CELF5: variants seen among roughly 807,000 people sequenced by gnomAD.
CELF5 encodes CUGBP Elav-like family member 5.
CELF5 carries 6 observed loss-of-function variants against 54.9 expected under a neutral mutation model. The observed-to-expected ratio is 0.11, with a 90% confidence interval of 0.06 to 0.22. The LOEUF is 0.22. Ranked by LOEUF, CELF5 falls within the 10% of genes least tolerant of loss-of-function variation. The pLI, the probability that CELF5 is intolerant of heterozygous loss-of-function variation, is 1.00. For synonymous variants in CELF5, 271 were observed against 290.9 expected (o/e 0.93, Z 0.70); for missense variants, 401 against 678.6 (o/e 0.59, Z 4.54).
At chr19:3,225,480 C>CCCAAA in intron 1 of CELF5, 3 of 670,794 alleles carry the variant, frequency 4.5e-6, no homozygotes, top group South Asian at 6.7e-5. Context: ...CCCCCACCCC[C>CCCAAA]ATTCATTCAG....
intron 11 of CELF5, among the ~76,000 whole-genome samples, chr19:3,290,994 C>T (rs988387529): frequency 6.6e-6 from 1 of 151,580 alleles, no homozygotes; most frequent in East Asian, 2.0e-4. Context: ...AGCTTAGTGG[C>T]GTGTGCCTGT....
chr19:3,290,995 G>A (rs1486607356), intron 11 of CELF5, among the ~76,000 whole-genome samples: 1 of 151,944 alleles, frequency 6.6e-6, no homozygotes, highest in Non-Finnish European at 1.5e-5. Flanking sequence ...GCTTAGTGGC[G>A]TGTGCCTGTA....
chr19:3,293,693 A>G, intron 12 of CELF5: 1 of 517,700 alleles, frequency 1.9e-6, no homozygotes, highest in Non-Finnish European at 3.5e-6. Flanking sequence ...AGAGGGTGGG[A>G]ATGGGGTAGG....
intron 1 of CELF5, among the ~76,000 whole-genome samples, chr19:3,225,929 G>A (rs1004894199): frequency 2.0e-5 from 3 of 152,136 alleles, no homozygotes; most frequent in Non-Finnish European, 4.4e-5. Context: ...AGGCGTGGGC[G>A]GCCTCAGGCC....
In CELF5 at chr19:3,275,791, G is replaced by C; in HGVS notation, c.395-65G>C. 1 of 1,543,690 alleles carries C rather than the reference G, an allele frequency of 6.5e-7. No individual in the cohort carries two copies. Among genetic ancestry groups the C allele is most frequent in the Non-Finnish European group, 8.8e-7 (1 of 1,138,580 alleles). Reference sequence around the variant, plus strand: ...GCCGCCTCCACTCTGCTGGAGGGAGGGAGGAATCCCGGAGGCCCTCCCGGA... The same window carrying C: ...GCCGCCTCCACTCTGCTGGAGGGAGCGAGGAATCCCGGAGGCCCTCCCGGA... On this transcript the variant is annotated intron_variant, in intron 3 of 12. Transcript: ENST00000292672. The surrounding 1 kb of genome is among the most constrained non-coding windows in gnomAD (Gnocchi z 6.7).
Position 3,278,056 on chromosome 19 carries a change from C to T in CELF5, c.549C>T (p.Ser183=), listed in dbSNP as rs766836380. The T allele has an allele frequency of 1.9e-6, 3 of 1,613,810 alleles. No homozygotes were observed. Among genetic ancestry groups the T allele is most frequent in the South Asian group, 1.1e-5 (1 of 91,070 alleles). Residue 183 remains serine (S), a synonymous_variant, in exon 5 of 13, where the codon TCC becomes TCT. Coordinates refer to ENST00000292672, the MANE Select transcript of CELF5 (RefSeq NM_021938.4). The surrounding 1 kb of genome is among the most constrained non-coding windows in gnomAD (Gnocchi z 4.5). ...GCTGTGCTTTCGTGAAGTTCTCCTCCCACACGGAGGCGCAGGCGGCCATCC... is the reference window on the plus strand; with the variant it reads ...GCTGTGCTTTCGTGAAGTTCTCCTCTCACACGGAGGCGCAGGCGGCCATCC... The part of the protein sequence containing the change: ...SKGCAFVKFS[S]HTEAQAAIHA...
chr19:3,294,090 G>T (rs1419067545), intron 12 of CELF5: 1 of 152,180 alleles, frequency 6.6e-6, no homozygotes, highest in Non-Finnish European at 1.5e-5. Flanking sequence ...ATGAGTTGAT[G>T]GAAAAGTGGG....
intron 12 of CELF5, chr19:3,294,401 G>A (rs954695091): frequency 2.5e-5 from 3 of 118,302 alleles, no homozygotes; most frequent in Non-Finnish European, 4.0e-5. Flanking sequence ...TGGATGATTC[G>A]TTTTGATTTT....
intron 1 of CELF5, among the ~76,000 whole-genome samples, chr19:3,247,336 C>T (rs1211450897): frequency 6.6e-6 from 1 of 152,062 alleles, no homozygotes; most frequent in Admixed American, 6.6e-5. Context: ...CCGTGTTAGC[C>T]AGGATGGTCT....
At chr19:3,256,229 C>T (rs1054572178) in intron 2 of CELF5, among the ~76,000 whole-genome samples, 5 of 152,198 alleles carry the variant, frequency 3.3e-5, no homozygotes, top group East Asian at 1.9e-4. Context: ...CTGCCTCTCC[C>T]GCCTGGAGAA....
intron 2 of CELF5, among the ~76,000 whole-genome samples, chr19:3,260,476 A>G (rs2079792617): frequency 6.6e-6 from 1 of 151,700 alleles, no homozygotes; most frequent in Non-Finnish European, 1.5e-5. Context: ...ATTTTTAGAC[A>G]TAGGGTCTTG....
At chr19:3,264,264 G>A (rs1242120395) in intron 2 of CELF5, among the ~76,000 whole-genome samples, 1 of 150,350 alleles carries the variant, frequency 6.7e-6, no homozygotes, top group Non-Finnish European at 1.5e-5. Context: ...AATTCTCTAT[G>A]GTTTTGCCAT....
intron 1 of CELF5, among the ~76,000 whole-genome samples, chr19:3,249,516 C>T (rs1411994759): frequency 1.3e-5 from 2 of 151,386 alleles, no homozygotes; most frequent in Non-Finnish European, 3.0e-5. Flanking sequence ...ACCCTCCGAT[C>T]CCTAATGTTG....
chr19:3,233,074 C>CA (rs890794505), intron 1 of CELF5, among the ~76,000 whole-genome samples: 63 of 148,562 alleles, frequency 4.2e-4, no homozygotes, highest in African/African-American at 7.2e-4. Flanking sequence ...AACTCCGTCT[C>CA]AAAAAAAATA....
intron 2 of CELF5, among the ~76,000 whole-genome samples, chr19:3,260,426 G>A (rs1273863207): frequency 1.3e-5 from 2 of 151,516 alleles, no homozygotes; most frequent in East Asian, 2.0e-4. Context: ...GTAAGCCACC[G>A]AAGACTGGCT....
intron 11 of CELF5, among the ~76,000 whole-genome samples, chr19:3,291,354 AGAAGATC>A (rs1226087353): frequency 6.6e-6 from 1 of 151,988 alleles, no homozygotes; most frequent in Non-Finnish European, 1.5e-5. Flanking sequence ...TCACGAGGTC[AGAAGATC>A]GAGACATCCT....
chr19:3,290,071 TC>T (rs1946094926), intron 10 of CELF5, among the ~76,000 whole-genome samples, 159 bp from the exon 11 acceptor site: 1 of 152,014 alleles, frequency 6.6e-6, no homozygotes, highest in Non-Finnish European at 1.5e-5. Context: ...CCCGTCTCCC[TC>T]CCCAGCCCGT....
chr19:3,275,194 G>A lies in CELF5; in HGVS notation c.395-662G>A, dbSNP rs549839901. 1.3e-5 allele frequency among the ~76,000 whole-genome samples: 2 copies of A among 152,300 alleles called. No homozygotes were observed. ...GAGCATGCAGTTACCCAAGGGGGCA[G>A]AGCTCACACAGGAGAGGCTGGCCCA... On this transcript the variant is annotated intron_variant, in intron 3 of 12. Coordinates refer to ENST00000292672, the MANE Select transcript of CELF5 (RefSeq NM_021938.4). This position sits in a 1 kb window ranked among gnomAD's most constrained non-coding sequence, Gnocchi z 6.7.
At chr19:3,244,847 G>A (rs2079541944) in intron 1 of CELF5, among the ~76,000 whole-genome samples, 1 of 148,872 alleles carries the variant, frequency 6.7e-6, no homozygotes, top group Admixed American at 6.7e-5. Context: ...ATGCATCTGT[G>A]CATGTGTGTG....
Sources: gnomAD v4.1 joint callset for allele counts (sites outside exome capture counted in the v4.1 genomes callset) on GRCh38, gnomAD v4.1.1 for gene constraint, Gnocchi (gnomAD v3.1) non-coding constraint, MANE v1.5 for transcripts, NCBI Gene and HGNC (gene_info 2026-07-23, HGNC 2026-07-21) for gene names.